KIF26B: variants seen among roughly 807,000 people sequenced by gnomAD.
KIF26B encodes the protein kinesin-like protein KIF26B.
Under a neutral mutation model 151.2 loss-of-function variants are expected in KIF26B, and 63 were observed. That is an observed-to-expected ratio of 0.42 (90% CI 0.34 to 0.51). The LOEUF (loss-of-function observed/expected upper bound fraction) is 0.51. Ranked by LOEUF, KIF26B falls within the 20% of genes least tolerant of loss-of-function variation. KIF26B has a pLI of 0.07. For missense variants in KIF26B, 2,813 were observed against 2,913.6 expected (o/e 0.97, Z 0.79); for synonymous variants, 1,357 against 1,262.1 (o/e 1.08, Z -1.59).
intron 4 of KIF26B, among the ~76,000 whole-genome samples, chr1:245,460,536 C>A (rs1659624053): frequency 6.6e-6 from 1 of 152,128 alleles, no homozygotes; most frequent in Non-Finnish European, 1.5e-5. Context: ...ACCACCCTAG[C>A]CTTTGCAGAA....
At chr1:245,326,226 C>T (rs1033419235) in intron 2 of KIF26B, among the ~76,000 whole-genome samples, 7 of 152,198 alleles carry the variant, frequency 4.6e-5, no homozygotes, top group Admixed American at 3.9e-4. Flanking sequence ...CAAGCAGCCA[C>T]AGTTTATCTC....
At chr1:245,356,111 C>G (rs902563851) in intron 2 of KIF26B, among the ~76,000 whole-genome samples, 5 of 152,230 alleles carry the variant, frequency 3.3e-5, no homozygotes, top group Non-Finnish European at 7.4e-5. Context: ...GCGCAGGGGG[C>G]GTGGTGAGGT....
rs528481797 is a variant in KIF26B, at chr1:245,522,029, C to T, written c.1167-18738C>T. ...GGACTACAGGCACCCGCCACCATGC[C>T]CGGCTAATTTTTTGTATTTTTAGTA... On this transcript the variant is annotated intron_variant, in intron 4 of 14. Coordinates refer to ENST00000407071, the MANE Select transcript of KIF26B (RefSeq NM_018012.4). Among the ~76,000 whole-genome samples, 3 of 151,944 alleles carry T rather than the reference C, an allele frequency of 2.0e-5. No homozygotes were observed. The East Asian group carries it at 5.8e-4, about 29-fold the overall frequency.
intron 4 of KIF26B, among the ~76,000 whole-genome samples, chr1:245,536,843 C>T (rs1661496748): frequency 6.6e-6 from 1 of 152,194 alleles, no homozygotes; most frequent in Non-Finnish European, 1.5e-5. Flanking sequence ...ACCTGGGCTT[C>T]CTCACAGCAT....
chr1:245,304,391 G>A (rs548010986), intron 2 of KIF26B, among the ~76,000 whole-genome samples: 3 of 152,316 alleles, frequency 2.0e-5, no homozygotes, highest in African/African-American at 7.2e-5. Flanking sequence ...TGCGATTGGG[G>A]AATCAGGAGG....
Position 245,419,621 on chromosome 1 carries a change from G to C in KIF26B, c.1042G>C (p.Glu348Gln). ...AGAGAGTAGCCGGGAGGGACTAACA[G>C]AAGCAGTGCTGAACCGCTACAATGC... ...MTESSREGLT[E>Q]AVLNRYNADK... is the part of the protein sequence containing the mutation. The change falls in exon 4 of 15, where the codon GAA (glutamate) becomes CAA (glutamine). Residue 348 changes from glutamate (E) to glutamine (Q), a missense_variant. Transcript: ENST00000407071. 1 of 1,613,674 alleles carries C rather than the reference G, an allele frequency of 6.2e-7. No homozygotes were observed. The highest frequency in any genetic ancestry group is 1.3e-5 in the African/African-American group (1 of 75,032).
chr1:245,578,232 T>C (rs2103127634), intron 5 of KIF26B, among the ~76,000 whole-genome samples: 1 of 152,320 alleles, frequency 6.6e-6, no homozygotes, highest in South Asian at 2.1e-4. Flanking sequence ...GAGGAATGTC[T>C]CCCCATGAAT....
chr1:245,185,341 G>A (rs1278172773), intron 2 of KIF26B, among the ~76,000 whole-genome samples: 2 of 152,134 alleles, frequency 1.3e-5, no homozygotes, highest in Non-Finnish European at 1.5e-5. Flanking sequence ...GTTTCGCCAT[G>A]TTGGCCAGGC....
intron 2 of KIF26B, among the ~76,000 whole-genome samples, chr1:245,337,442 A>G (rs1672256902): frequency 6.6e-6 from 1 of 151,940 alleles, no homozygotes; most frequent in African/African-American, 2.4e-5. Context: ...TCGGCCTCCC[A>G]AAGTGCTGGG....
intron 2 of KIF26B, among the ~76,000 whole-genome samples, chr1:245,303,444 C>T (rs1367846003): frequency 2.6e-5 from 4 of 151,864 alleles, no homozygotes; most frequent in Non-Finnish European, 4.4e-5. Context: ...GTGATCCGCC[C>T]GCCTCGGCCT....
intron 2 of KIF26B, among the ~76,000 whole-genome samples, chr1:245,215,687 C>T (rs1287456625): frequency 1.3e-5 from 2 of 152,248 alleles, no homozygotes; most frequent in East Asian, 3.9e-4. Context: ...CTTACAGCCC[C>T]TTTTAGGGTA....
intron 2 of KIF26B, among the ~76,000 whole-genome samples, chr1:245,317,984 T>C (rs1051112002): frequency 6.6e-6 from 1 of 152,182 alleles, no homozygotes; most frequent in Admixed American, 6.5e-5. Flanking sequence ...CAAGCTAATG[T>C]CTCTAACACT....
intron 3 of KIF26B, among the ~76,000 whole-genome samples, chr1:245,407,934 G>A (rs942399340): frequency 6.9e-6 from 1 of 145,104 alleles, no homozygotes; most frequent in Admixed American, 6.7e-5. Context: ...GTGGAGTCCT[G>A]TGGAGGGGGT....
intron 4 of KIF26B, among the ~76,000 whole-genome samples, chr1:245,463,109 T>G (rs534989716): frequency 9.8e-4 from 149 of 152,298 alleles, no homozygotes; most frequent in Non-Finnish European, 1.4e-3. Flanking sequence ...AGAACCTGCT[T>G]CTTCGACCGG....
At chr1:245,522,136 TG>T (rs1179872412) in intron 4 of KIF26B, among the ~76,000 whole-genome samples, 5 of 152,192 alleles carry the variant, frequency 3.3e-5, no homozygotes, top group African/African-American at 4.8e-5. Flanking sequence ...CCCAAAGTGC[TG>T]GGATTACAGG....
chr1:245,354,546 G>A (rs1672640987), intron 2 of KIF26B, among the ~76,000 whole-genome samples: 1 of 152,248 alleles, frequency 6.6e-6, no homozygotes, highest in Non-Finnish European at 1.5e-5. Flanking sequence ...AATGTCCTGT[G>A]TAGCCAGATG....
intron 5 of KIF26B, among the ~76,000 whole-genome samples, chr1:245,595,175 C>T (rs1385293097): frequency 6.6e-6 from 1 of 152,110 alleles, no homozygotes. Flanking sequence ...GCCTGATCGC[C>T]CTGGCCAGAA....
chr1:245,679,442 GT>G (rs111961107), intron 10 of KIF26B, among the ~76,000 whole-genome samples: 5 of 74,182 alleles, frequency 6.7e-5, no homozygotes, highest in African/African-American at 1.4e-4. Context: ...GGTTTTTTGT[GT>G]TTTTTTTGTG....
At chr1:245,549,841 C>A (rs1205759892) in intron 5 of KIF26B, among the ~76,000 whole-genome samples, 1 of 151,774 alleles carries the variant, frequency 6.6e-6, no homozygotes, top group East Asian at 1.9e-4. Flanking sequence ...AATGCAATGG[C>A]ACGATCTTGG....
Sources: gnomAD v4.1 joint callset for allele counts (sites outside exome capture counted in the v4.1 genomes callset) on GRCh38, gnomAD v4.1.1 for gene constraint, MANE v1.5 for transcripts, NCBI Gene and HGNC (gene_info 2026-07-23, HGNC 2026-07-21) for gene names.